Variants in PLCG2 observed in about 807,000 individuals in gnomAD.
PLCG2 encodes phospholipase C gamma 2, also known as 1-phosphatidylinositol 4,5-bisphosphate phosphodiesterase gamma-2.
A neutral mutation model predicts 175.6 loss-of-function variants in PLCG2; 69 were observed. That is an observed-to-expected ratio of 0.39 (90% confidence interval 0.32 to 0.48). The LOEUF is 0.48. Among genes scored for constraint, PLCG2 ranks in the 20% least tolerant of loss-of-function variants. The pLI is 0.91. For missense variants in PLCG2, 1,798 were observed against 1,650.9 expected (o/e 1.09, Z -1.54); for synonymous variants, 827 against 624.0 (o/e 1.33, Z -4.85).
At chr16:81,879,603 C>G (rs1393511725) in intron 7 of PLCG2, among the ~76,000 whole-genome samples, 2 of 152,116 alleles carry the variant, frequency 1.3e-5, no homozygotes, top group Non-Finnish European at 2.9e-5. Context: ...CAAGAGGACC[C>G]TGGGTCATCT....
chr16:81,939,817 G>A (rs1444223413), intron 29 of PLCG2, 75 bp from the exon 30 acceptor site: 3 of 953,474 alleles, frequency 3.1e-6, no homozygotes, highest in African/African-American at 1.6e-5. Flanking sequence ...ATTCACAGCT[G>A]AAGGATGCGG....
chr16:81,939,557 G>C (rs1450889829), intron 29 of PLCG2, among the ~76,000 whole-genome samples: 1 of 152,100 alleles, frequency 6.6e-6, no homozygotes, highest in African/African-American at 2.4e-5. Flanking sequence ...TGGCTCCCAG[G>C]CTCTCCTCCC....
chr16:81,743,307 C>T (rs573031525), intron 1 of PLCG2, among the ~76,000 whole-genome samples: 21 of 152,304 alleles, frequency 1.4e-4, no homozygotes, highest in African/African-American at 4.3e-4. Context: ...GCCACAGTAG[C>T]ACCACGGCCT....
In PLCG2 at chr16:81,939,779, C is replaced by T. The variant is rs1910863253; in HGVS notation, c.3314-113C>T. ...ATTTTCTTAGATCTTGGCATAGATG[C>T]ATATTTATTTACATGGTTGCTAAGG... is the stretch of plus-strand genomic sequence containing the variant. On this transcript the variant is annotated intron_variant, in intron 29 of 32. Transcript: ENST00000564138. 9 of 685,318 alleles carry T rather than the reference C, an allele frequency of 1.3e-5. No individual in the cohort carries two copies. In the East Asian group the frequency reaches 2.0e-4, roughly 15 times the overall value. The allele number at this position is 685,318 out of a possible 1,614,324, so 42.5% of individuals were successfully genotyped here.
intron 13 of PLCG2, among the ~76,000 whole-genome samples, chr16:81,897,670 C>A (rs547921326): frequency 1.3e-5 from 2 of 151,738 alleles, no homozygotes; most frequent in Non-Finnish European, 2.9e-5. Flanking sequence ...CTCAGCCTCC[C>A]GAGTAGCTGG....
rs1286473938 is a variant in PLCG2 at position 81,960,507 on chromosome 16, T to A, written c.*2509T>A. ...GGAAAAATAAAGTGGGGAGGCTGGTTAGGCCTTGTGAGTTTGGGAAACTTA... is the reference window on the plus strand; with the variant it reads ...GGAAAAATAAAGTGGGGAGGCTGGTAAGGCCTTGTGAGTTTGGGAAACTTA... On this transcript the variant is annotated 3_prime_UTR_variant, in exon 33 of 33. Transcript: ENST00000564138. 2 of 231,268 alleles carry A rather than the reference T, an allele frequency of 8.6e-6. No individual in the cohort carries two copies. The highest frequency in any genetic ancestry group is 1.1e-4 in the Admixed American group (2 of 17,712). 14.3% of individuals were successfully genotyped at this position (231,268 alleles called of 1,614,324 possible).
intron 2 of PLCG2, among the ~76,000 whole-genome samples, chr16:81,771,971 C>A (rs144612012): frequency 6.6e-6 from 1 of 151,984 alleles, no homozygotes; most frequent in South Asian, 2.1e-4. Flanking sequence ...TTAGTAGAGA[C>A]GGGGTTTCAC....
Position 81,927,092 on chromosome 16 carries a change from G to A in PLCG2, c.2428G>A (p.Asp810Asn). 6.2e-7 allele frequency: 1 copy of A among 1,612,222 alleles called. No individual in the cohort carries two copies. The highest frequency in any genetic ancestry group is 8.5e-7 in the Non-Finnish European group (1 of 1,178,236). The change falls in exon 23 of 33, where the codon GAC becomes AAC. Residue 810 changes from aspartate (D) to asparagine (N), a missense_variant. By Grantham distance (23) the Asp-to-Asn change is conservative. Coordinates refer to ENST00000564138, the MANE Select transcript of PLCG2 (RefSeq NM_002661.5). ...SKEPGGWWKGDYGTRIQQYFP... is the reference protein window; with the variant it reads ...SKEPGGWWKGNYGTRIQQYFP... ...TCTCTTCTTATCCAGGTGGAAAGGA[G>A]ACTATGGAACCAGGATCCAGCAGTA... is the stretch of plus-strand genomic sequence containing the variant.
intron 1 of PLCG2, among the ~76,000 whole-genome samples, chr16:81,754,686 C>A (rs1298734389): frequency 6.6e-6 from 1 of 151,180 alleles, no homozygotes; most frequent in African/African-American, 2.4e-5. Context: ...GTGGGAACCT[C>A]ACGTGTCTCC....
intron 7 of PLCG2, among the ~76,000 whole-genome samples, chr16:81,877,973 A>T (rs865883023): frequency 0.013 from 706 of 55,670 alleles, no homozygotes; most frequent in Middle Eastern, 0.025. Flanking sequence ...TTTTTTTTTA[A>T]TTTTTTTTTT....
chr16:81,739,345 A>C (rs1909532885), exon 1 of PLCG2: 1 of 152,022 alleles, frequency 6.6e-6, no homozygotes, highest in East Asian at 2.0e-4. Flanking sequence ...GCGGGTCTGC[A>C]GTCACACAGC....
chr16:81,739,048 A>C (rs1036376173), upstream of PLCG2: 1 of 151,852 alleles, frequency 6.6e-6, no homozygotes, highest in Non-Finnish European at 1.5e-5. Context: ...GATAAGCGTG[A>C]ACTAGAGAGT....
At chr16:81,864,918 G>A (rs1245711440) in intron 5 of PLCG2, among the ~76,000 whole-genome samples, 2 of 152,168 alleles carry the variant, frequency 1.3e-5, no homozygotes, top group Non-Finnish European at 2.9e-5. Context: ...GGGAATAGTT[G>A]CCGTCCTTCT....
chr16:81,788,832 T>C (rs1911098869), intron 2 of PLCG2, among the ~76,000 whole-genome samples: 2 of 152,246 alleles, frequency 1.3e-5, no homozygotes. Flanking sequence ...ACTGTTTGCA[T>C]TGGCCGGCTC....
chr16:81,757,151 G>A (rs1909945296), intron 2 of PLCG2, among the ~76,000 whole-genome samples: 1 of 152,106 alleles, frequency 6.6e-6, no homozygotes, highest in African/African-American at 2.4e-5. Flanking sequence ...GGAGCTCTAG[G>A]AGGGACCACA....
chr16:81,932,204 T>A (rs1910531385), intron 25 of PLCG2, among the ~76,000 whole-genome samples: 1 of 152,130 alleles, frequency 6.6e-6, no homozygotes, highest in South Asian at 2.1e-4. Context: ...GGTGTGAGCT[T>A]CTGGATAAGA....
At chr16:81,938,107 A>G (rs1239754692) in intron 28 of PLCG2, among the ~76,000 whole-genome samples, 2 of 151,902 alleles carry the variant, frequency 1.3e-5, no homozygotes, top group Admixed American at 6.6e-5. Context: ...GAGAGGGGAA[A>G]CCTCCTCAAA....
At chr16:81,769,628 A>G (rs1219108534) in intron 2 of PLCG2, among the ~76,000 whole-genome samples, 1 of 151,902 alleles carries the variant, frequency 6.6e-6, no homozygotes, top group Non-Finnish European at 1.5e-5. Context: ...TCCCGGCTAA[A>G]AAAACGGTGA....
At chr16:81,913,498 G>C (rs1909718688) in intron 19 of PLCG2, among the ~76,000 whole-genome samples, 1 of 152,204 alleles carries the variant, frequency 6.6e-6, no homozygotes, top group South Asian at 2.1e-4. Flanking sequence ...TTGAGGTTCA[G>C]ATGCAGGCCT....
Sources: allele counts gnomAD v4.1 joint callset (sites outside exome capture counted in the v4.1 genomes callset), GRCh38; gene constraint gnomAD v4.1.1; transcripts MANE v1.5; gene names NCBI Gene and HGNC (gene_info 2026-07-23, HGNC 2026-07-21).